VWA8: variants seen among roughly 807,000 people sequenced by gnomAD.
The protein encoded by VWA8 is von Willebrand factor A domain-containing protein 8.
VWA8 carries 221 observed loss-of-function variants against 241.5 expected under a neutral mutation model. The observed-to-expected ratio is 0.91, with a 90% confidence interval of 0.82 to 1.02. VWA8 has a LOEUF of 1.02. Ranked by LOEUF, VWA8 falls within the 50% of genes least tolerant of loss-of-function variation. VWA8 has a pLI of 0.00. For missense variants in VWA8, 2,322 were observed against 2,328.7 expected (o/e 1.00, Z 0.06); for synonymous variants, 852 against 827.1 (o/e 1.03, Z -0.52).
intron 12 of VWA8, 79 bp from the exon 13 acceptor site, chr13:41,833,610 A>G (rs755594133): frequency 4.9e-6 from 7 of 1,421,416 alleles, no homozygotes; most frequent in Non-Finnish European, 6.5e-6. Context: ...ACATGGCTTT[A>G]TAGAGTCACC....
chr13:41,687,818 C>T (rs1366998681), intron 34 of VWA8, among the ~76,000 whole-genome samples: 1 of 152,096 alleles, frequency 6.6e-6, no homozygotes, highest in African/African-American at 2.4e-5. Flanking sequence ...GTAGGTACCA[C>T]ACTAAGTAGC....
chr13:41,595,825 G>A lies in VWA8; in HGVS notation c.4987-5060C>T, dbSNP rs543123369. On this transcript the variant is annotated intron_variant, in intron 40 of 44. Coordinates refer to ENST00000379310, the MANE Select transcript of VWA8 (RefSeq NM_015058.2). ...TAACTGAACATGTCTTTTGGAGCAG[G>A]TATGTGCATATTTCGTTGTGTGGAA... Among the ~76,000 whole-genome samples the A allele has an allele frequency of 1.2e-4, 18 of 152,240 alleles. No homozygotes were observed. The South Asian group carries it at 3.3e-3, about 28-fold the overall frequency.
intron 20 of VWA8, among the ~76,000 whole-genome samples, chr13:41,776,816 A>C (rs1868617653): frequency 6.6e-6 from 1 of 152,204 alleles, no homozygotes; most frequent in African/African-American, 2.4e-5. Flanking sequence ...CTAGTTATCT[A>C]ATTTCTAAGC....
At chr13:41,731,224 T>C (rs1349626808) in intron 22 of VWA8, among the ~76,000 whole-genome samples, 2 of 152,006 alleles carry the variant, frequency 1.3e-5, no homozygotes, top group African/African-American at 2.4e-5. Flanking sequence ...GAGGTTCACA[T>C]GATGACTTAT....
chr13:41,575,459 G>A (rs1369638461), intron 43 of VWA8, among the ~76,000 whole-genome samples: 9 of 152,072 alleles, frequency 5.9e-5, no homozygotes, highest in Admixed American at 5.9e-4. Flanking sequence ...TGCACATGTA[G>A]GGGCTGAGAA....
intron 16 of VWA8, among the ~76,000 whole-genome samples, chr13:41,812,600 G>A (rs945908547): frequency 2.6e-5 from 4 of 152,082 alleles, no homozygotes; most frequent in Non-Finnish European, 4.4e-5. Context: ...GGTCATCTCC[G>A]TATGTCCCAA....
Position 41,703,288 on chromosome 13 carries a change from AATG to A in VWA8, c.3225+12_3225+14del. 1.3e-6 allele frequency: 2 copies of A among 1,598,898 alleles called. No individual in the cohort carries two copies. Among genetic ancestry groups the A allele is most frequent in the Non-Finnish European group, 1.7e-6 (2 of 1,166,470 alleles). On this transcript the variant is annotated intron_variant, in intron 27 of 44. Transcript: ENST00000379310. ...AAGGTTCAATATTTTAAGAGAGAAT[AATG>A]ATGATATCAACCTTTATGTCTATAT... is the stretch of plus-strand genomic sequence containing the variant.
At chr13:41,624,945 T>C (rs1395033124) in intron 37 of VWA8, among the ~76,000 whole-genome samples, 1 of 152,200 alleles carries the variant, frequency 6.6e-6, no homozygotes. Context: ...CAAAGGCTCC[T>C]AGAACTGATA....
At chr13:41,902,348 A>G (rs1875494846) in intron 4 of VWA8, among the ~76,000 whole-genome samples, 1 of 152,224 alleles carries the variant, frequency 6.6e-6, no homozygotes, top group African/African-American at 2.4e-5. Flanking sequence ...TATACATTAT[A>G]AACATATGCA....
At chr13:41,629,610 C>T (rs1022080640) in intron 37 of VWA8, among the ~76,000 whole-genome samples, 7 of 152,022 alleles carry the variant, frequency 4.6e-5, no homozygotes, top group African/African-American at 1.7e-4. Context: ...AAATTTCTTT[C>T]ATAGATATAT....
chr13:41,605,608 A>G (rs1187026418), intron 39 of VWA8, among the ~76,000 whole-genome samples: 2 of 152,176 alleles, frequency 1.3e-5, no homozygotes, highest in African/African-American at 4.8e-5. Context: ...ATTGACTCTC[A>G]TGAGCCAGTA....
intron 12 of VWA8, 71 bp downstream of exon 12, chr13:41,865,665 T>C (rs966015567): frequency 4.3e-5 from 66 of 1,523,780 alleles, no homozygotes; most frequent in Non-Finnish European, 5.8e-5. Context: ...CAAGAAGATA[T>C]CCATAAATTC....
intron 16 of VWA8, among the ~76,000 whole-genome samples, chr13:41,813,124 G>A (rs1354508443): frequency 1.3e-5 from 2 of 152,088 alleles, no homozygotes; most frequent in African/African-American, 4.8e-5. Context: ...GACGGGTTTG[G>A]CTTTATTCTT....
In VWA8 at chr13:41,886,767, A is replaced by G. The variant is rs772717953; in HGVS notation, c.866+14T>C. On this transcript the variant is annotated intron_variant, in intron 7 of 44. Transcript: ENST00000379310. ...CAATATTCAGTGTCCAGACATTTAT[A>G]AAAATATACTTACTTCTCAGCAGAA... is the stretch of plus-strand genomic sequence containing the variant. 20 of 1,584,110 alleles carry G rather than the reference A, an allele frequency of 1.3e-5. No homozygotes were observed. In the South Asian group the frequency reaches 2.2e-4, roughly 18 times the overall value.
chr13:41,916,879 C>T (rs1398524615), intron 2 of VWA8, among the ~76,000 whole-genome samples: 1 of 152,154 alleles, frequency 6.6e-6, no homozygotes, highest in Non-Finnish European at 1.5e-5. Flanking sequence ...GCACAGTACA[C>T]GAGAGAAATC....
At chr13:41,720,237 C>T (rs2045378136) in intron 25 of VWA8, among the ~76,000 whole-genome samples, 1 of 152,020 alleles carries the variant, frequency 6.6e-6, no homozygotes, top group Admixed American at 6.6e-5. Flanking sequence ...CAGTAGAGGG[C>T]AAGAAAACAA....
intron 17 of VWA8, among the ~76,000 whole-genome samples, chr13:41,806,250 T>A (rs1870204216): frequency 1.3e-5 from 2 of 152,024 alleles, no homozygotes; most frequent in African/African-American, 4.8e-5. Flanking sequence ...AAGAAAAGTC[T>A]ATAGCCATAA....
chr13:41,679,860 C>T (rs1361986051), intron 35 of VWA8, among the ~76,000 whole-genome samples: 1 of 150,952 alleles, frequency 6.6e-6, no homozygotes, highest in Non-Finnish European at 1.5e-5. Flanking sequence ...CGCCCCCGGC[C>T]GCCCCACCAT....
Position 41,833,525 on chromosome 13 carries a change from T to C in VWA8, c.1432A>G (p.Thr478Ala), listed in dbSNP as rs1186263616. Residue 478 changes from threonine to alanine, a missense_variant, in exon 13 of 45, where the codon ACA (threonine) becomes GCA (alanine). By Grantham distance (58) the Thr-to-Ala change is moderately conservative. Coordinates refer to ENST00000379310, the MANE Select transcript of VWA8 (RefSeq NM_015058.2). ...CTCTGCTGTAGCAGATCACGCGCTG[T>C]CATATCCTAAAACAAATCCCCACCA... ...IEPIMLYQDM[T>A]ARDLLQQRYT... is the part of the protein sequence containing the mutation. 1 of 1,605,232 alleles carries C rather than the reference T, an allele frequency of 6.2e-7. No individual in the cohort carries two copies. The highest frequency in any genetic ancestry group is 8.5e-7 in the Non-Finnish European group (1 of 1,176,808).
Sources: allele counts gnomAD v4.1 joint callset (sites outside exome capture counted in the v4.1 genomes callset), GRCh38; gene constraint gnomAD v4.1.1; transcripts MANE v1.5; gene names NCBI Gene and HGNC (gene_info 2026-07-23, HGNC 2026-07-21).